The following RUNDC3B variants were observed in gnomAD, a reference collection of about 807,000 sequenced individuals.
RUNDC3B encodes RUN domain containing 3B, also known as RUN domain-containing protein 3B.
RUNDC3B carries 33 observed loss-of-function variants against 58.4 expected under a neutral mutation model. The observed-to-expected ratio is 0.56, with a 90% CI of 0.43 to 0.75. RUNDC3B has a LOEUF of 0.75. RUNDC3B is among the 30% of genes least tolerant of loss of function. The pLI, the probability that RUNDC3B is intolerant of heterozygous loss-of-function variation, is 0.00. For missense variants in RUNDC3B, 501 were observed against 535.7 expected (o/e 0.94, Z 0.64); for synonymous variants, 193 against 195.2 (o/e 0.99, Z 0.10).
At chr7:87,664,038 C>T (rs1286961811) in intron 2 of RUNDC3B, among the ~76,000 whole-genome samples, 1 of 152,136 alleles carries the variant, frequency 6.6e-6, no homozygotes, top group Non-Finnish European at 1.5e-5. Flanking sequence ...ATTTTGGAGG[C>T]ATGCAATTCA....
chr7:87,786,670 A>G (rs974659286), intron 8 of RUNDC3B, among the ~76,000 whole-genome samples: 2 of 152,062 alleles, frequency 1.3e-5, no homozygotes, highest in East Asian at 1.9e-4. Flanking sequence ...TGCTTTTAAC[A>G]TAAAATAATT....
chr7:87,781,193 G>C (rs763156109), intron 8 of RUNDC3B, among the ~76,000 whole-genome samples: 2 of 152,108 alleles, frequency 1.3e-5, no homozygotes, highest in Non-Finnish European at 2.9e-5. Flanking sequence ...TCCTTGTAGA[G>C]ATCTTTCACC....
intron 8 of RUNDC3B, among the ~76,000 whole-genome samples, chr7:87,783,651 CTG>C (rs1452487730): frequency 6.6e-6 from 1 of 152,140 alleles, no homozygotes; most frequent in Non-Finnish European, 1.5e-5. Flanking sequence ...TATTTCATTT[CTG>C]TGTCTACAAC....
At chr7:87,747,639 C>A (rs1832723363) in intron 6 of RUNDC3B, among the ~76,000 whole-genome samples, 1 of 152,038 alleles carries the variant, frequency 6.6e-6, no homozygotes, top group Admixed American at 6.5e-5. Flanking sequence ...CTCAGACTCT[C>A]CTTGGGCGGG....
chr7:87,650,672 G>A, intron 1 of RUNDC3B, 150 bp from the exon 2 acceptor site: 1 of 604,112 alleles, frequency 1.7e-6, no homozygotes. Flanking sequence ...TCCATTTACA[G>A]AGTAAATTTG....
rs2130987951 is a variant in RUNDC3B at position 87,831,760 on chromosome 7, T to G, written c.*1730T>G. On this transcript the variant is annotated 3_prime_UTR_variant, in exon 11 of 11. Transcript: ENST00000394654. ...AAATGGATAAAGAGAAATTTGAAAA[T>G]TTTAGGCTGGACTTGAGCACTATTG... The G allele has an allele frequency of 6.6e-6, 1 of 151,908 alleles. No individual in the cohort carries two copies. The highest frequency in any genetic ancestry group is 1.5e-5 in the Non-Finnish European group (1 of 67,824). The allele number at this position is 151,908 out of a possible 1,614,324, so 9.4% of individuals were successfully genotyped here.
chr7:87,812,091 A>T (rs536608637), intron 9 of RUNDC3B, among the ~76,000 whole-genome samples: 2 of 152,222 alleles, frequency 1.3e-5, no homozygotes, highest in Non-Finnish European at 2.9e-5. Context: ...TGCATAGATT[A>T]ATCATTTATT....
chr7:87,628,814 T>A lies in RUNDC3B; in HGVS notation c.-10T>A, dbSNP rs541713113. 2.0e-5 allele frequency: 25 copies of A among 1,237,604 alleles called. No individual in the cohort carries two copies. In the South Asian group the frequency reaches 9.0e-4, roughly 45 times the overall value. The allele number at this position is 1,237,604 out of a possible 1,614,324, so 76.7% of individuals were successfully genotyped here. On this transcript the variant is annotated 5_prime_UTR_variant, in exon 1 of 11. Transcript: ENST00000394654. ...GCACGAGACAAAAGGGGCACGGGGG[T>A]AAGCCCGCCATGGCCTCCCGGAGCC... is the stretch of plus-strand genomic sequence containing the variant.
intron 2 of RUNDC3B, among the ~76,000 whole-genome samples, chr7:87,654,293 A>G (rs974235559): frequency 1.8e-4 from 27 of 152,242 alleles, no homozygotes; most frequent in African/African-American, 6.0e-4. Flanking sequence ...GAGCAAAAAG[A>G]ACAAAGCTGG....
intron 9 of RUNDC3B, among the ~76,000 whole-genome samples, chr7:87,815,502 G>T (rs1446979135): frequency 6.6e-6 from 1 of 152,010 alleles, no homozygotes; most frequent in Non-Finnish European, 1.5e-5. Flanking sequence ...CTTTCCATTT[G>T]TAACTGAATT....
chr7:87,763,600 A>G (rs1011233600), intron 6 of RUNDC3B, among the ~76,000 whole-genome samples: 5 of 151,612 alleles, frequency 3.3e-5, no homozygotes, highest in East Asian at 1.9e-4. Context: ...TTTTCTGTCT[A>G]TCTTCCATTT....
chr7:87,709,018 T>C (rs1456775140), intron 3 of RUNDC3B, among the ~76,000 whole-genome samples: 1 of 152,214 alleles, frequency 6.6e-6, no homozygotes, highest in Non-Finnish European at 1.5e-5. Context: ...GTTCTACTTC[T>C]TGGCCCAAAC....
intron 6 of RUNDC3B, among the ~76,000 whole-genome samples, chr7:87,752,681 C>T (rs1313758039): frequency 3.3e-5 from 5 of 152,120 alleles, no homozygotes; most frequent in African/African-American, 1.2e-4. Flanking sequence ...TTGTAGTATT[C>T]TCTGATGGTA....
intron 10 of RUNDC3B, among the ~76,000 whole-genome samples, chr7:87,818,049 T>G (rs1202543531): frequency 1.3e-5 from 2 of 152,240 alleles, no homozygotes; most frequent in Non-Finnish European, 2.9e-5. Flanking sequence ...ATTTTAGTAC[T>G]TTTTTTATAA....
chr7:87,662,785 G>C (rs1358421689), intron 2 of RUNDC3B, among the ~76,000 whole-genome samples: 1 of 152,050 alleles, frequency 6.6e-6, no homozygotes, highest in Non-Finnish European at 1.5e-5. Flanking sequence ...CTATTTCTGT[G>C]AAAAATGTCA....
chr7:87,796,014 T>C (rs1276617751), intron 8 of RUNDC3B, among the ~76,000 whole-genome samples: 1 of 152,242 alleles, frequency 6.6e-6, no homozygotes, highest in African/African-American at 2.4e-5. Context: ...TCCCAAGTTT[T>C]TGCATCATAA....
At chr7:87,695,182 T>C (rs1268720658) in intron 2 of RUNDC3B, among the ~76,000 whole-genome samples, 2 of 151,782 alleles carry the variant, frequency 1.3e-5, no homozygotes, top group Non-Finnish European at 2.9e-5. Context: ...CTTGTTCTAT[T>C]TTTTAGAACA....
At chr7:87,819,876 A>G (rs1395481352) in intron 10 of RUNDC3B, among the ~76,000 whole-genome samples, 2 of 152,162 alleles carry the variant, frequency 1.3e-5, no homozygotes, top group Non-Finnish European at 2.9e-5. Flanking sequence ...TCTCTGGGAC[A>G]CATTCAAAGC....
chr7:87,705,392 C>T (rs1286513519), intron 3 of RUNDC3B, among the ~76,000 whole-genome samples: 1 of 152,192 alleles, frequency 6.6e-6, no homozygotes, highest in Non-Finnish European at 1.5e-5. Flanking sequence ...TGCCATTGCA[C>T]TGCAGCCTGG....
Sources: allele counts gnomAD v4.1 joint callset (sites outside exome capture counted in the v4.1 genomes callset), GRCh38; gene constraint gnomAD v4.1.1; transcripts MANE v1.5; gene names NCBI Gene and HGNC (gene_info 2026-07-23, HGNC 2026-07-21).